Variants in CCL28 observed in about 807,000 individuals in gnomAD.
CCL28 encodes the protein C-C motif chemokine ligand 28.
CCL28 carries 4 observed loss-of-function variants against 7.1 expected under a neutral mutation model. The ratio of observed to expected loss-of-function variants is 0.56; its 90% confidence interval spans 0.28 to 1.29. The LOEUF (loss-of-function observed/expected upper bound fraction) is 1.29, where lower values mean the gene tolerates loss of function less well. Ranked by LOEUF, CCL28 falls within the 50% of genes most tolerant of loss-of-function variation. The pLI, the probability that CCL28 is intolerant of heterozygous loss-of-function variation, is 0.11. For synonymous variants in CCL28, 55 were observed against 57.8 expected (o/e 0.95, Z 0.22); for missense variants, 151 against 163.4 (o/e 0.92, Z 0.41).
At chr5:43,408,421 T>A (rs1741390217) in intron 1 of CCL28, among the ~76,000 whole-genome samples, 1 of 152,156 alleles carries the variant, frequency 6.6e-6, no homozygotes, top group Non-Finnish European at 1.5e-5. Flanking sequence ...TTCTCATTCA[T>A]AGGTGGGAAT....
At chr5:43,366,609 A>T in the CCL28 span, among the ~76,000 whole-genome samples, 4 of 152,204 alleles carry the variant, frequency 2.6e-5, no homozygotes, top group Non-Finnish European at 4.4e-5. Context: ...TCTCTCAGTC[A>T]TGAGGCATGG....
intron 1 of CCL28, among the ~76,000 whole-genome samples, chr5:43,403,964 G>A (rs1483442065): frequency 6.6e-6 from 1 of 152,106 alleles, no homozygotes; most frequent in African/African-American, 2.4e-5. Flanking sequence ...AGAGAAAAAA[G>A]AATAAAAAGA....
intron 2 of CCL28, among the ~76,000 whole-genome samples, chr5:43,384,997 C>A (rs1740278932): frequency 6.6e-6 from 1 of 151,890 alleles, no homozygotes; most frequent in Non-Finnish European, 1.5e-5. Context: ...CCCGGGTTCA[C>A]GCCATTCTCC....
At chr5:43,391,413 C>A (rs1373787545) in intron 1 of CCL28, among the ~76,000 whole-genome samples, 1 of 152,142 alleles carries the variant, frequency 6.6e-6, no homozygotes, top group Non-Finnish European at 1.5e-5. Flanking sequence ...AGTTCAGTAA[C>A]CTCTTTCTAT....
chr5:43,357,500 T>C, the CCL28 span, among the ~76,000 whole-genome samples: 1 of 152,222 alleles, frequency 6.6e-6, no homozygotes, highest in South Asian at 2.1e-4. Flanking sequence ...TCTTCTGCCA[T>C]GGCATTGGGG....
rs76424537 is a variant in CCL28, at chr5:43,382,208, T to A, written c.192-156A>T. On this transcript the variant is annotated intron_variant, in intron 2 of 2. Coordinates refer to ENST00000361115, the MANE Select transcript of CCL28 (RefSeq NM_148672.3). ...TTAAGTGTAGAAATGAAGTGAATTC[T>A]AAAGCTGAGCACCACAAGGTTCAAT... Among the ~76,000 whole-genome samples the A allele has an allele frequency of 1.3e-3, 195 of 152,332 alleles. 1 individual carries two copies. Among genetic ancestry groups the A allele is most frequent in the African/African-American group, 4.6e-3 (193 of 41,566 alleles).
At chr5:43,371,039 G>C in the CCL28 span, among the ~76,000 whole-genome samples, 1 of 152,184 alleles carries the variant, frequency 6.6e-6, no homozygotes, top group Admixed American at 6.5e-5. Flanking sequence ...GCCATGCCTG[G>C]CTTCTTTCTC....
chr5:43,369,669 C>T, the CCL28 span, among the ~76,000 whole-genome samples: 1 of 152,076 alleles, frequency 6.6e-6, no homozygotes, highest in African/African-American at 2.4e-5. Flanking sequence ...AGTGATCCAC[C>T]CACCTTGGCT....
intron 1 of CCL28, 79 bp downstream of exon 1, chr5:43,412,174 C>A: frequency 2.8e-6 from 3 of 1,087,592 alleles, no homozygotes. Context: ...ATTCTTGCCC[C>A]ACCTCAATCC....
intron 1 of CCL28, among the ~76,000 whole-genome samples, chr5:43,398,611 G>T (rs1740910067): frequency 6.6e-6 from 1 of 152,158 alleles, no homozygotes; most frequent in Non-Finnish European, 1.5e-5. Context: ...AGCACTTTGG[G>T]AGGCCAAGGC....
At chr5:43,387,238 G>C (rs2111746473) in intron 2 of CCL28, among the ~76,000 whole-genome samples, 1 of 152,316 alleles carries the variant, frequency 6.6e-6, no homozygotes, top group Non-Finnish European at 1.5e-5. Context: ...TCTGAACTAA[G>C]AGACCTGGGT....
At chr5:43,376,954 G>T (rs1739901703), downstream of CCL28, 1 of 152,176 alleles carries the variant, frequency 6.6e-6, no homozygotes, top group African/African-American at 2.4e-5. Flanking sequence ...CTATAGAGCA[G>T]TTAAGGGGAA....
At chr5:43,400,206 T>C (rs1168657345) in intron 1 of CCL28, among the ~76,000 whole-genome samples, 2 of 152,084 alleles carry the variant, frequency 1.3e-5, no homozygotes, top group Non-Finnish European at 2.9e-5. Context: ...CAGTATTAAG[T>C]GTATGGATGA....
At chr5:43,368,439 A>G in the CCL28 span, among the ~76,000 whole-genome samples, 1 of 152,208 alleles carries the variant, frequency 6.6e-6, no homozygotes, top group Non-Finnish European at 1.5e-5. Flanking sequence ...TCATGTGGCC[A>G]TGCGGCTAAC....
chr5:43,388,149 C>T, intron 2 of CCL28: 1 of 571,776 alleles, frequency 1.7e-6, no homozygotes, highest in African/African-American at 1.9e-5. Context: ...TGGTATGGGG[C>T]TCAGGACATC....
At chr5:43,403,642 G>A (rs528878354) in intron 1 of CCL28, among the ~76,000 whole-genome samples, 18 of 152,296 alleles carry the variant, frequency 1.2e-4, no homozygotes, top group African/African-American at 3.6e-4. Flanking sequence ...CACCAGCAAT[G>A]GAACAAAGCT....
At chr5:43,390,181 A>G (rs1740515416) in intron 1 of CCL28, among the ~76,000 whole-genome samples, 1 of 152,202 alleles carries the variant, frequency 6.6e-6, no homozygotes, top group Admixed American at 6.5e-5. Flanking sequence ...AGGCAAGCTG[A>G]TAAGAGGTCG....
downstream of CCL28, among the ~76,000 whole-genome samples, chr5:43,379,040 C>T (rs1292129648): frequency 6.6e-6 from 1 of 152,114 alleles, no homozygotes; most frequent in African/African-American, 2.4e-5. Context: ...CAATTATTTG[C>T]GTGGCAGAAA....
chr5:43,374,367 T>G (rs1227406384), downstream of CCL28, among the ~76,000 whole-genome samples: 4 of 152,210 alleles, frequency 2.6e-5, no homozygotes, highest in East Asian at 7.7e-4. Context: ...TCACCCACAT[T>G]TACCAGAGGG....
Sources: allele counts gnomAD v4.1 joint callset (sites outside exome capture counted in the v4.1 genomes callset), GRCh38; gene constraint gnomAD v4.1.1; transcripts MANE v1.5; gene names NCBI Gene and HGNC (gene_info 2026-07-23, HGNC 2026-07-21).